Variants in TSHZ2 observed in about 807,000 individuals in gnomAD.
TSHZ2 encodes the protein teashirt zinc finger homeobox 2, also known as teashirt homolog 2.
A neutral mutation model predicts 74.4 loss-of-function variants in TSHZ2; 21 were observed. The ratio of observed to expected loss-of-function variants is 0.28; its 90% CI spans 0.20 to 0.41. TSHZ2 has a LOEUF of 0.41. Ranked by LOEUF, TSHZ2 falls within the 10% of genes least tolerant of loss-of-function variation. TSHZ2 has a pLI of 1.00. For synonymous variants in TSHZ2, 540 were observed against 515.3 expected, an observed-to-expected ratio of 1.05 and a Z score of -0.65; for missense variants, 1,244 against 1,293.5, an observed-to-expected ratio of 0.96 and a Z score of 0.59.
chr20:53,279,667 C>A (rs1210803271), intron 2 of TSHZ2, among the ~76,000 whole-genome samples: 1 of 152,144 alleles, frequency 6.6e-6, no homozygotes, highest in Non-Finnish European at 1.5e-5. Flanking sequence ...CAGCAATGAA[C>A]AAAATGACAT....
chr20:53,419,485 C>T (rs1983390483), intron 2 of TSHZ2, among the ~76,000 whole-genome samples: 1 of 152,272 alleles, frequency 6.6e-6, no homozygotes, highest in African/African-American at 2.4e-5. Flanking sequence ...CTCATGCTCA[C>T]AACAGCCCTA....
chr20:53,124,978 C>T (rs1456940846), intron 1 of TSHZ2, among the ~76,000 whole-genome samples: 1 of 152,188 alleles, frequency 6.6e-6, no homozygotes, highest in Non-Finnish European at 1.5e-5. Context: ...AATTTGTAAG[C>T]AAATGGGTGT....
intron 1 of TSHZ2, among the ~76,000 whole-genome samples, chr20:53,140,258 G>A (rs1450006183): frequency 2.0e-5 from 3 of 151,852 alleles, no homozygotes; most frequent in Non-Finnish European, 2.9e-5. Flanking sequence ...AAAGATAGAG[G>A]GGCCAGGCAC....
At chr20:53,335,005 C>T (rs1979886879) in intron 2 of TSHZ2, among the ~76,000 whole-genome samples, 2 of 152,130 alleles carry the variant, frequency 1.3e-5, no homozygotes, top group Admixed American at 1.3e-4. Context: ...TTAAAGAATC[C>T]TGTGTTGAGA....
intron 1 of TSHZ2, among the ~76,000 whole-genome samples, chr20:53,208,031 C>G (rs575700900): frequency 3.7e-4 from 57 of 152,056 alleles, no homozygotes; most frequent in African/African-American, 1.3e-3. Context: ...TATTATTACT[C>G]TTCACTGGAG....
chr20:53,329,588 C>T (rs1979635183), intron 2 of TSHZ2, among the ~76,000 whole-genome samples: 1 of 151,592 alleles, frequency 6.6e-6, no homozygotes, highest in African/African-American at 2.4e-5. Context: ...CAGAAATCAC[C>T]CACATGTGGG....
intron 1 of TSHZ2, among the ~76,000 whole-genome samples, chr20:53,229,254 G>A (rs1989762185): frequency 6.6e-6 from 1 of 152,080 alleles, no homozygotes. Context: ...ACCCCCTAGA[G>A]GAGCAGCTAA....
chr20:53,021,118 A>G (rs1395227762), intron 1 of TSHZ2, among the ~76,000 whole-genome samples: 1 of 152,186 alleles, frequency 6.6e-6, no homozygotes, highest in Admixed American at 6.5e-5. Flanking sequence ...ACACACATTT[A>G]TATCTCCCCC....
At chr20:53,380,632 G>A (rs977367171) in intron 2 of TSHZ2, among the ~76,000 whole-genome samples, 1 of 152,166 alleles carries the variant, frequency 6.6e-6, no homozygotes, top group African/African-American at 2.4e-5. Flanking sequence ...GGGGCAGAAG[G>A]TAGGGATGAA....
At chr20:53,479,247 C>T (rs968187277) in intron 2 of TSHZ2, among the ~76,000 whole-genome samples, 6 of 150,284 alleles carry the variant, frequency 4.0e-5, no homozygotes, top group African/African-American at 7.3e-5. Flanking sequence ...CGAGCATGTA[C>T]AAAAATTGCC....
intron 1 of TSHZ2, among the ~76,000 whole-genome samples, chr20:53,052,001 A>G (rs1984485605): frequency 1.3e-5 from 2 of 151,980 alleles, no homozygotes; most frequent in South Asian, 2.1e-4. Flanking sequence ...TAACATTGCA[A>G]TTTATCATCT....
At chr20:53,086,775 G>T (rs1320350122) in intron 1 of TSHZ2, among the ~76,000 whole-genome samples, 1 of 152,160 alleles carries the variant, frequency 6.6e-6, no homozygotes, top group African/African-American at 2.4e-5. Flanking sequence ...CATAAGGAGT[G>T]TCTGCATTTA....
chr20:53,222,890 T>C (rs1046818991), intron 1 of TSHZ2, among the ~76,000 whole-genome samples: 3 of 152,252 alleles, frequency 2.0e-5, no homozygotes, highest in Admixed American at 6.5e-5. Context: ...AATGTATCCT[T>C]TTTTTAGTGT....
At chr20:53,394,859 C>CAAA (rs1005992034) in intron 2 of TSHZ2, among the ~76,000 whole-genome samples, 17 of 44,116 alleles carry the variant, frequency 3.9e-4, no homozygotes, top group African/African-American at 1.1e-3. Flanking sequence ...CAGAACTCAC[C>CAAA]AAAAAAAAAA....
rs1361588847 is a variant in TSHZ2, at chr20:53,470,553, TGCCTGTAATCCCAGTACTTTGGGAG to T, written c.*9-16587_*9-16563del. Among the ~76,000 whole-genome samples the T allele has an allele frequency of 2.6e-5, 4 of 152,284 alleles. No homozygotes were observed. The East Asian group carries it at 5.8e-4, about 22-fold the overall frequency. On this transcript the variant is annotated intron_variant, in intron 2 of 2. Transcript: ENST00000371497. ...ACACTTGGCCGGGCGCGGTGGCTCATGCCTGTAATCCCAGTACTTTGGGAGGCCGGGGTGGGCAGATCACTTGAGG... is the reference window on the plus strand; with the variant it reads ...ACACTTGGCCGGGCGCGGTGGCTCATGCCGGGGTGGGCAGATCACTTGAGG...
chr20:53,061,855 AG>A (rs1217010437), intron 1 of TSHZ2, among the ~76,000 whole-genome samples: 2 of 152,180 alleles, frequency 1.3e-5, no homozygotes, highest in African/African-American at 4.8e-5. Context: ...CTCAAATCTC[AG>A]AGACATGGCC....
At chr20:53,141,985 G>A (rs1365822488) in intron 1 of TSHZ2, among the ~76,000 whole-genome samples, 4 of 152,198 alleles carry the variant, frequency 2.6e-5, no homozygotes, top group African/African-American at 7.2e-5. Context: ...TGTCAGGGAC[G>A]GTGGTGGGGG....
intron 2 of TSHZ2, chr20:53,401,097 A>C (rs938296961): frequency 6.6e-6 from 1 of 152,202 alleles, no homozygotes; most frequent in Non-Finnish European, 1.5e-5. Context: ...GTGTCAGGAC[A>C]TTCCTGCATC....
intron 1 of TSHZ2, among the ~76,000 whole-genome samples, chr20:53,092,741 G>C (rs1039890949): frequency 6.6e-6 from 1 of 152,240 alleles, no homozygotes; most frequent in Non-Finnish European, 1.5e-5. Flanking sequence ...TTCTGGGACA[G>C]TGGCACTCAT....
Sources: gnomAD v4.1 joint callset for allele counts (sites outside exome capture counted in the v4.1 genomes callset) on GRCh38, gnomAD v4.1.1 for gene constraint, MANE v1.5 for transcripts, NCBI Gene and HGNC (gene_info 2026-07-23, HGNC 2026-07-21) for gene names.